The following CEP170B variants were observed in gnomAD, a reference collection of about 807,000 sequenced individuals.
CEP170B encodes centrosomal protein 170B.
Under a neutral mutation model 120.6 loss-of-function variants are expected in CEP170B, and 55 were observed. That is an observed-to-expected ratio of 0.46 (90% confidence interval 0.37 to 0.57). CEP170B has a LOEUF of 0.57. Ranked by LOEUF, CEP170B falls within the 20% of genes least tolerant of loss-of-function variation. CEP170B has a pLI of 0.00. For synonymous variants in CEP170B, 1,033 were observed against 954.5 expected (o/e 1.08, Z -1.52); for missense variants, 2,212 against 2,253.3 (o/e 0.98, Z 0.37).
chr14:104,876,388 C>T (rs1395402122), intron 3 of CEP170B, 43 bp downstream of exon 3: 7 of 1,529,744 alleles, frequency 4.6e-6, no homozygotes, highest in Non-Finnish European at 5.3e-6. Context: ...ACAGCTCGAC[C>T]CTTCAGCCCT....
intron 5 of CEP170B, among the ~76,000 whole-genome samples, chr14:104,879,896 C>T (rs551655947): frequency 2.6e-5 from 4 of 152,262 alleles, no homozygotes; most frequent in African/African-American, 7.2e-5. Flanking sequence ...GCGCTTAGCC[C>T]GTTCCTCGGA....
intron 3 of CEP170B, 52 bp from the exon 4 acceptor site, chr14:104,877,833 G>GCCCCCCCCCCCCCCCC: frequency 5.6e-6 from 2 of 359,724 alleles, no homozygotes; most frequent in Non-Finnish European, 8.8e-6. Context: ...CCTGCCCACA[G>GCCCCCCCCCCCCCCCC]CCACCCACCC....
rs1397961596 is a variant in CEP170B, at chr14:104,887,180, G to T, written c.2941G>T (p.Ala981Ser). ...CCCCACAACCCCCCAGCCTCTGCGG[G>T]CACAGAAGGAGATGTCGCCATCCCC... ...PSPTTPQPLR[A>S]QKEMSPSPPA... is the part of the protein sequence containing the mutation. The change falls in exon 12 of 19, where the codon GCA becomes TCA. Residue 981 changes from alanine (A) to serine (S), a missense_variant. By Grantham distance (99) the Ala-to-Ser change is moderately conservative. This residue lies in a region of CEP170B where 2,166 missense variants were observed against 2,166.7 expected (regional missense o/e 1.00). Transcript: ENST00000414716. The T allele has an allele frequency of 1.9e-6, 3 of 1,607,194 alleles. No homozygotes were observed. The African/African-American group carries it at 4.0e-5, about 21-fold the overall frequency.
chr14:104,887,604 G>A lies in CEP170B; in HGVS notation c.3365G>A (p.Arg1122Gln), dbSNP rs770472623. The change falls in exon 12 of 19, where the codon CGG becomes CAG. Residue 1122 changes from arginine to glutamine, a missense_variant. This residue lies in a region of CEP170B where 2,166 missense variants were observed against 2,166.7 expected (regional missense o/e 1.00). Transcript: ENST00000414716. Reference sequence around the variant, plus strand: ...AGCCTGTCCACCCCTCGCCCCACACGGGCCTCCCGGCTGAGGCGGGCCCGG... The same window carrying A: ...AGCCTGTCCACCCCTCGCCCCACACAGGCCTCCCGGCTGAGGCGGGCCCGG... ...SNSLSTPRPTRASRLRRARLG... is the reference protein window; with the variant it reads ...SNSLSTPRPTQASRLRRARLG... The A allele has an allele frequency of 1.6e-5, 25 of 1,583,048 alleles. No homozygotes were observed. Among genetic ancestry groups the A allele is most frequent in the East Asian group, 9.2e-5 (4 of 43,612 alleles).
Position 104,885,458 on chromosome 14 carries a change from T to C in CEP170B, c.1860T>C (p.Asp620=). 1.9e-6 allele frequency: 3 copies of C among 1,563,384 alleles called. No individual in the cohort carries two copies. Among genetic ancestry groups the C allele is most frequent in the Non-Finnish European group, 2.6e-6 (3 of 1,154,944 alleles). The change falls in exon 10 of 19, where the codon GAT becomes GAC. Residue 620 remains aspartate (D), a synonymous_variant. Coordinates refer to ENST00000414716, the MANE Select transcript of CEP170B (RefSeq NM_001112726.3). ...TCAGAGGGGACAGAGATGAGTCTGA[T>C]GACGGGGGCGTGGCCCAGCGGATGG... ...PVIRGDRDES[D]DGGVAQRMAL...
rs1244403087 is a variant in CEP170B, at chr14:104,890,761, GTGGATGGATGGATGAGTGGGTAGATGGA to G, written c.3878+1018_3878+1045del. On this transcript the variant is annotated intron_variant, in intron 13 of 18. Transcript: ENST00000414716. The stretch of plus-strand genomic sequence containing the variant: ...GATGGATGAATGGATGAGTGAGTGG[GTGGATGGATGGATGAGTGGGTAGATGGA>G]TGGATGGATGGATGGATGAGTGGGT... Among the ~76,000 whole-genome samples, 6 of 125,974 alleles carry G rather than the reference GTGGATGGATGGATGAGTGGGTAGATGGA, an allele frequency of 4.8e-5. 1 individual carries two copies. The highest frequency in any genetic ancestry group is 1.8e-4 in the African/African-American group (6 of 33,722). The allele number at this position is 125,974 out of a possible 152,430, so 82.6% of individuals were successfully genotyped here. A position where few individuals can be genotyped will look rare whatever the true frequency, so the allele number is the denominator to read the frequency against.
chr14:104,883,384 G>C lies in CEP170B; in HGVS notation c.927G>C (p.Ser309=), dbSNP rs374555618. ...AGGCCACACCTGGCGAGATGGTGTC[G>C]GCTGAGACCAAGGTGGCCGACTGGC... ...GKEATPGEMV[S]AETKVADWLV... Residue 309 remains serine (S), a synonymous_variant, in exon 8 of 19, where the codon TCG becomes TCC. Transcript: ENST00000414716. 3.1e-6 allele frequency: 5 copies of C among 1,603,026 alleles called. No individual in the cohort carries two copies. The highest frequency in any genetic ancestry group is 4.3e-6 in the Non-Finnish European group (5 of 1,176,100).
At chr14:104,888,663 C>T (rs997808219) in intron 12 of CEP170B, among the ~76,000 whole-genome samples, 2 of 152,240 alleles carry the variant, frequency 1.3e-5, no homozygotes, top group African/African-American at 2.4e-5. Flanking sequence ...AGCTGTCCTG[C>T]GAGTGGATTG....
At position 104,891,632 on chromosome 14, in the gene CEP170B, C is replaced by G. The variant is rs376514463; in HGVS notation, c.3879-1344C>G. On this transcript the variant is annotated intron_variant, in intron 13 of 18. Transcript: ENST00000414716. The surrounding 1 kb of genome is among the most constrained non-coding windows in gnomAD (Gnocchi z 4.3). ...AGGAGGCTAGCACAGGGCTAGGGCTCTGGACAGAGACACTGCACCTGGCTG... is the reference window on the plus strand; with the variant it reads ...AGGAGGCTAGCACAGGGCTAGGGCTGTGGACAGAGACACTGCACCTGGCTG... 1.2e-4 allele frequency among the ~76,000 whole-genome samples: 18 copies of G among 152,016 alleles called. No homozygotes were observed. In the East Asian group the frequency reaches 3.3e-3, roughly 28 times the overall value.
chr14:104,872,377 G>A (rs1329255644), intron 2 of CEP170B, among the ~76,000 whole-genome samples: 2 of 84,534 alleles, frequency 2.4e-5, no homozygotes, highest in Non-Finnish European at 5.6e-5. Context: ...GTGTGCCATG[G>A]GTGTGCATGT....
chr14:104,884,256 G>A lies in CEP170B; in HGVS notation c.1477G>A (p.Val493Met), dbSNP rs546614335. The A allele has an allele frequency of 1.2e-4, 184 of 1,543,266 alleles. 1 individual carries two copies. The highest frequency in any genetic ancestry group is 5.4e-4 in the Middle Eastern group (3 of 5,602). Residue 493 changes from valine (V) to methionine (M), a missense_variant, in exon 9 of 19, where the codon GTG becomes ATG. Transcript: ENST00000414716. ...SRTPARPFGS[V>M]GRRSRLAQDF... ...AACCCCTGCCCGCCCCTTCGGAAGC[G>A]TGGGGCGCCGCTCCCGCCTGGCCCA...
chr14:104,890,954 T>G (rs1595359058), intron 13 of CEP170B, among the ~76,000 whole-genome samples: 4 of 69,302 alleles, frequency 5.8e-5, no homozygotes, highest in South Asian at 5.2e-4. Context: ...GGTGGGTGGG[T>G]GGATGGATGG....
At position 104,882,714 on chromosome 14, in the gene CEP170B, C is replaced by G. The variant is rs750953524; in HGVS notation, c.473-14C>G. The G allele has an allele frequency of 1.9e-6, 3 of 1,604,618 alleles. No individual in the cohort carries two copies. In the Admixed American group the frequency reaches 5.1e-5, roughly 27 times the overall value. On this transcript the variant is annotated splice_polypyrimidine_tract_variant and intron_variant, in intron 6 of 18. Transcript: ENST00000414716. Reference sequence around the variant, plus strand: ...CCCAGCAACACAGGGTCTGACCTCTCGCTCCCTCCACAGAGGCAGCCTCTT... The same window carrying G: ...CCCAGCAACACAGGGTCTGACCTCTGGCTCCCTCCACAGAGGCAGCCTCTT...
rs1895241496 is a variant in CEP170B at position 104,867,083 on chromosome 14, G to C, written c.-27-1341G>C. ...GCATCTTGCTCAGCTCTCCTTCTCA[G>C]TTTTTGAATAAGGGTACCGCGTTTT... On this transcript the variant is annotated intron_variant, in intron 1 of 18. Transcript: ENST00000414716. The surrounding 1 kb of genome is among the most constrained non-coding windows in gnomAD (Gnocchi z 5.4). Among the ~76,000 whole-genome samples the C allele has an allele frequency of 6.6e-6, 1 of 152,210 alleles. No individual in the cohort carries two copies. The highest frequency in any genetic ancestry group is 1.5e-5 in the Non-Finnish European group (1 of 68,036).
chr14:104,887,966 C>G lies in CEP170B; in HGVS notation c.3727C>G (p.Arg1243Gly), dbSNP rs763196671. ...CAGCAGGGCCCGCTCAGGCAGTGCC[C>G]GATACACCTCCAGTGAGTGCCAGGG... ...PFSRARSGSARYTSTTQTPRA... is the reference protein window; with the variant it reads ...PFSRARSGSAGYTSTTQTPRA... The change falls in exon 12 of 19, where the codon CGA becomes GGA. Residue 1243 changes from arginine (R) to glycine (G), a missense_variant. By Grantham distance (125) the Arg-to-Gly change is moderately radical. Transcript: ENST00000414716. The G allele has an allele frequency of 4.0e-6, 6 of 1,511,876 alleles. No homozygotes were observed. The highest frequency in any genetic ancestry group is 5.3e-6 in the Non-Finnish European group (6 of 1,131,212). 93.7% of individuals were successfully genotyped at this position (1,511,876 alleles called of 1,614,324 possible).
chr14:104,885,085 G>A (rs756525965), intron 9 of CEP170B, among the ~76,000 whole-genome samples: 107 of 151,890 alleles, frequency 7.0e-4, no homozygotes, highest in Admixed American at 2.3e-3. Flanking sequence ...GGAGGTGGGC[G>A]GACGTTGTCC....
At chr14:104,884,610 G>A in intron 9 of CEP170B, 61 bp downstream of exon 9, 2 of 1,471,074 alleles carry the variant, frequency 1.4e-6, no homozygotes, top group Non-Finnish European at 1.8e-6. Flanking sequence ...GCGATGCCGG[G>A]GGTGGCGAGT....
chr14:104,892,473 C>T (rs1385251756), intron 13 of CEP170B, among the ~76,000 whole-genome samples: 1 of 146,582 alleles, frequency 6.8e-6, no homozygotes, highest in Non-Finnish European at 1.5e-5. Context: ...CCCAGCCCCA[C>T]CCTCTGCCCA....
At chr14:104,889,401 C>A (rs1004066973) in intron 12 of CEP170B, 4 of 1,219,626 alleles carry the variant, frequency 3.3e-6, no homozygotes, top group Admixed American at 2.9e-5. Flanking sequence ...CCAGCCTCGA[C>A]GCTGCCCAGC....
Sources: gnomAD v4.1 joint callset for allele counts (sites outside exome capture counted in the v4.1 genomes callset) on GRCh38, gnomAD v4.1.1 for gene constraint, gnomAD v4.1.1 regional missense constraint, Gnocchi (gnomAD v3.1) non-coding constraint, MANE v1.5 for transcripts, NCBI Gene and HGNC (gene_info 2026-07-23, HGNC 2026-07-21) for gene names.